Variants in CADM2 observed in about 807,000 individuals in gnomAD.
CADM2 encodes the protein cell adhesion molecule 2.
In CADM2, 12 loss-of-function variants were observed where a neutral mutation model predicts 49.8. The observed-to-expected ratio is 0.24, with a 90% CI of 0.15 to 0.39. The LOEUF is 0.39. Among genes scored for constraint, CADM2 ranks in the 10% least tolerant of loss-of-function variants. CADM2 has a pLI of 1.00. For missense variants in CADM2, 378 were observed against 492.3 expected (o/e 0.77, Z 2.20); for synonymous variants, 214 against 175.4 (o/e 1.22, Z -1.74).
At chr3:85,996,290 C>CTTTTTTT (rs397990432) in intron 8 of CADM2, among the ~76,000 whole-genome samples, 14 of 89,304 alleles carry the variant, frequency 1.6e-4, no homozygotes, top group African/African-American at 1.7e-4. Context: ...TTTTCATTTA[C>CTTTTTTT]TTTTTTTTTT....
intron 1 of CADM2, among the ~76,000 whole-genome samples, chr3:85,289,519 C>A (rs191706870): frequency 2.0e-5 from 3 of 152,142 alleles, no homozygotes; most frequent in Non-Finnish European, 4.4e-5. Flanking sequence ...GCCAGTCAAG[C>A]CCCAACATGA....
chr3:85,867,975 C>T (rs1356248074), intron 3 of CADM2, among the ~76,000 whole-genome samples: 2 of 152,002 alleles, frequency 1.3e-5, no homozygotes, highest in Non-Finnish European at 2.9e-5. Flanking sequence ...ATCAGCTCTA[C>T]AGCTTCAAAT....
intron 1 of CADM2, among the ~76,000 whole-genome samples, chr3:85,119,968 A>G (rs1258795271): frequency 2.0e-5 from 3 of 152,334 alleles, no homozygotes; most frequent in South Asian, 4.1e-4. Context: ...AGAATCTACA[A>G]TGAACTTAAA....
At chr3:85,640,391 G>T (rs937787529) in intron 1 of CADM2, among the ~76,000 whole-genome samples, 1 of 152,286 alleles carries the variant, frequency 6.6e-6, no homozygotes, top group East Asian at 1.9e-4. Flanking sequence ...TTAAAAAAAT[G>T]TGGTTTTTGA....
chr3:84,998,416 A>G (rs2033285833), intron 1 of CADM2, among the ~76,000 whole-genome samples: 1 of 152,106 alleles, frequency 6.6e-6, no homozygotes, highest in African/African-American at 2.4e-5. Context: ...TCCCCTTTTA[A>G]TGCCTGAAGT....
In CADM2 at chr3:85,131,688, A is replaced by T. The variant is rs78031435; in HGVS notation, c.61+172020A>T. 4.7e-3 allele frequency among the ~76,000 whole-genome samples: 713 copies of T among 152,296 alleles called. 5 individuals carry two copies. The highest frequency in any genetic ancestry group is 0.017 in the African/African-American group (691 of 41,584). On this transcript the variant is annotated intron_variant, in intron 1 of 9. Transcript: ENST00000383699. ...ACCATATCATTTTGATTATGTCATAATGACCCTTTTGAAAAGTGACTATTC... is the reference window on the plus strand; with the variant it reads ...ACCATATCATTTTGATTATGTCATATTGACCCTTTTGAAAAGTGACTATTC...
intron 1 of CADM2, among the ~76,000 whole-genome samples, chr3:85,361,072 C>T (rs1479677168): frequency 6.6e-6 from 1 of 152,132 alleles, no homozygotes; most frequent in East Asian, 1.9e-4. Context: ...TCATAGCCAT[C>T]TTTTATCCCA....
chr3:85,528,621 G>T (rs972428535), intron 1 of CADM2, among the ~76,000 whole-genome samples: 8 of 152,176 alleles, frequency 5.3e-5, no homozygotes, highest in Admixed American at 2.0e-4. Flanking sequence ...TCAGGTAAAA[G>T]TTAGCTATGA....
intron 3 of CADM2, among the ~76,000 whole-genome samples, chr3:85,819,835 A>G (rs1279209611): frequency 6.6e-6 from 1 of 152,164 alleles, no homozygotes; most frequent in African/African-American, 2.4e-5. Flanking sequence ...CTCTGCCTTC[A>G]TGCAACTTAC....
chr3:85,525,654 T>C (rs563850743), intron 1 of CADM2, among the ~76,000 whole-genome samples: 1 of 152,296 alleles, frequency 6.6e-6, no homozygotes, highest in East Asian at 1.9e-4. Context: ...CTACCTAATA[T>C]GATTATTTAT....
At chr3:85,455,064 C>A (rs184400845) in intron 1 of CADM2, among the ~76,000 whole-genome samples, 77 of 152,280 alleles carry the variant, frequency 5.1e-4, no homozygotes, top group South Asian at 1.2e-3. Context: ...CCATATCCTA[C>A]AAATATCTGT....
At chr3:85,833,928 G>C (rs573927211) in intron 3 of CADM2, among the ~76,000 whole-genome samples, 1 of 151,482 alleles carries the variant, frequency 6.6e-6, no homozygotes, top group African/African-American at 2.4e-5. Flanking sequence ...AGATTGCATT[G>C]AATCTGTAGA....
At chr3:85,048,053 G>T (rs1485647171) in intron 1 of CADM2, among the ~76,000 whole-genome samples, 2 of 151,814 alleles carry the variant, frequency 1.3e-5, no homozygotes, top group Admixed American at 6.6e-5. Flanking sequence ...TTCGGGAAAA[G>T]AAAAATAAAG....
At chr3:85,227,177 C>T (rs1337262804) in intron 1 of CADM2, among the ~76,000 whole-genome samples, 1 of 151,912 alleles carries the variant, frequency 6.6e-6, no homozygotes, top group Non-Finnish European at 1.5e-5. Context: ...CCTAAATATC[C>T]CTGTTACTTT....
chr3:85,918,019 C>T (rs1174018098), intron 6 of CADM2, among the ~76,000 whole-genome samples: 1 of 152,110 alleles, frequency 6.6e-6, no homozygotes, highest in Non-Finnish European at 1.5e-5. Context: ...GATTTTGTGT[C>T]CTGAGACTTT....
intron 3 of CADM2, among the ~76,000 whole-genome samples, chr3:85,872,810 TGGTATTA>T (rs1414131840): frequency 6.6e-6 from 1 of 151,846 alleles, no homozygotes; most frequent in Non-Finnish European, 1.5e-5. Context: ...GGTTTAGTTG[TGGTATTA>T]AGTATTAAGA....
chr3:85,095,218 A>G (rs2037749607), intron 1 of CADM2, among the ~76,000 whole-genome samples: 2 of 152,162 alleles, frequency 1.3e-5, no homozygotes, highest in African/African-American at 4.8e-5. Context: ...AAATCTAGAG[A>G]TGTGCATACA....
intron 1 of CADM2, among the ~76,000 whole-genome samples, chr3:85,051,612 G>A (rs1349026810): frequency 6.6e-6 from 1 of 152,118 alleles, no homozygotes; most frequent in Non-Finnish European, 1.5e-5. Flanking sequence ...ATTTATTTAA[G>A]TGCCAGTATG....
At chr3:86,035,078 C>T (rs1734989769) in intron 8 of CADM2, among the ~76,000 whole-genome samples, 1 of 152,006 alleles carries the variant, frequency 6.6e-6, no homozygotes, top group African/African-American at 2.4e-5. Context: ...TTTGTATTGT[C>T]ATGGAGTAAA....
Sources: gnomAD v4.1 joint callset for allele counts (sites outside exome capture counted in the v4.1 genomes callset) on GRCh38, gnomAD v4.1.1 for gene constraint, MANE v1.5 for transcripts, NCBI Gene and HGNC (gene_info 2026-07-23, HGNC 2026-07-21) for gene names.